KHDRBS2: variants seen among roughly 807,000 people sequenced by gnomAD.
KHDRBS2 encodes KH domain-containing, RNA-binding, signal transduction-associated protein 2.
In KHDRBS2, 26 loss-of-function variants were observed where a neutral mutation model predicts 44.3. The observed-to-expected ratio is 0.59, with a 90% CI of 0.43 to 0.81. KHDRBS2 has a LOEUF of 0.81. Among genes scored for constraint, KHDRBS2 ranks in the 40% least tolerant of loss-of-function variants. The probability of loss-of-function intolerance (pLI) is 0.00; values close to 1 mark genes in which losing one functional copy is unlikely to be tolerated. For missense variants in KHDRBS2, 476 were observed against 433.1 expected (o/e 1.10, Z -0.88); for synonymous variants, 194 against 151.1 (o/e 1.28, Z -2.08).
intron 2 of KHDRBS2, among the ~76,000 whole-genome samples, chr6:62,058,585 T>G (rs969466754): frequency 6.6e-6 from 1 of 151,934 alleles, no homozygotes; most frequent in African/African-American, 2.4e-5. Context: ...TCAAAAATAT[T>G]CTTCTTGTAT....
At chr6:62,227,600 C>T (rs1199057023) in intron 1 of KHDRBS2, among the ~76,000 whole-genome samples, 2 of 152,106 alleles carry the variant, frequency 1.3e-5, no homozygotes, top group East Asian at 1.9e-4. Flanking sequence ...TTGTCTTGTG[C>T]CAGTTTTCAA....
the KHDRBS2 span, among the ~76,000 whole-genome samples, chr6:61,613,474 T>C: frequency 6.6e-6 from 1 of 152,324 alleles, no homozygotes; most frequent in Admixed American, 6.5e-5. Context: ...CAGATGACAT[T>C]TGTTGTGTAA....
At chr6:61,545,869 G>A in the KHDRBS2 span, among the ~76,000 whole-genome samples, 1 of 152,072 alleles carries the variant, frequency 6.6e-6, no homozygotes, top group Admixed American at 6.6e-5. Flanking sequence ...CCAAGGAAAA[G>A]CCAGGTAAGC....
chr6:61,672,746 G>C, the KHDRBS2 span, among the ~76,000 whole-genome samples: 1 of 151,246 alleles, frequency 6.6e-6, no homozygotes, highest in African/African-American at 2.4e-5. Context: ...CTGGATATTA[G>C]CCCTTTGTCA....
At chr6:62,208,527 T>C (rs1585210353) in intron 1 of KHDRBS2, among the ~76,000 whole-genome samples, 1 of 152,212 alleles carries the variant, frequency 6.6e-6, no homozygotes, top group Non-Finnish European at 1.5e-5. Context: ...GTGTGAATAA[T>C]GCTGCAATGA....
chr6:61,617,807 G>A, the KHDRBS2 span, among the ~76,000 whole-genome samples: 1 of 151,990 alleles, frequency 6.6e-6, no homozygotes, highest in Non-Finnish European at 1.5e-5. Context: ...GAGGCACTAG[G>A]TAATTAATTT....
At chr6:61,901,447 CAA>C in intron 4 of KHDRBS2, 76 bp from the exon 5 acceptor site, 5 of 1,109,466 alleles carry the variant, frequency 4.5e-6, no homozygotes, top group Non-Finnish European at 5.0e-6. Context: ...AAAAAAGAAA[CAA>C]AACAAAACGC....
intron 6 of KHDRBS2, among the ~76,000 whole-genome samples, chr6:61,768,048 A>G (rs191777796): frequency 6.6e-6 from 1 of 152,248 alleles, no homozygotes; most frequent in African/African-American, 2.4e-5. Flanking sequence ...CATTTCTTAC[A>G]GGCCAGGTCT....
chr6:61,666,307 A>C, the KHDRBS2 span, among the ~76,000 whole-genome samples: 3,729 of 151,510 alleles, frequency 0.025, 72 homozygotes, highest in Middle Eastern at 0.082. Flanking sequence ...CATTCTAGAA[A>C]CATTCTTTAG....
intron 2 of KHDRBS2, among the ~76,000 whole-genome samples, chr6:62,102,137 A>C (rs917922114): frequency 8.5e-5 from 13 of 152,212 alleles, no homozygotes; most frequent in African/African-American, 2.9e-4. Context: ...ACTATATTCT[A>C]ATGGTAATTA....
chr6:62,187,259 T>C (rs549822511), intron 1 of KHDRBS2, among the ~76,000 whole-genome samples: 9 of 152,272 alleles, frequency 5.9e-5, no homozygotes, highest in Admixed American at 1.3e-4. Context: ...ATTTTTCCAA[T>C]TGTACAGCAA....
At chr6:61,726,614 C>G (rs1773611237) in intron 7 of KHDRBS2, among the ~76,000 whole-genome samples, 2 of 152,108 alleles carry the variant, frequency 1.3e-5, no homozygotes, top group Non-Finnish European at 2.9e-5. Context: ...CGCTAGCATT[C>G]CTATACATCA....
At chr6:61,661,461 T>C in the KHDRBS2 span, 13 of 151,936 alleles carry the variant, frequency 8.6e-5, no homozygotes, top group Admixed American at 5.9e-4. Flanking sequence ...ATCAGTCTCA[T>C]GGCAAATTTA....
intron 6 of KHDRBS2, among the ~76,000 whole-genome samples, chr6:61,795,600 T>C (rs1785227777): frequency 6.6e-6 from 1 of 152,230 alleles, no homozygotes; most frequent in Non-Finnish European, 1.5e-5. Context: ...ACTTTTGTTC[T>C]AGTTTTATTT....
At chr6:61,761,789 T>C (rs1201304329) in intron 6 of KHDRBS2, among the ~76,000 whole-genome samples, 2 of 152,076 alleles carry the variant, frequency 1.3e-5, no homozygotes, top group Non-Finnish European at 2.9e-5. Context: ...GTATTTGGGG[T>C]GGTGGAGAAG....
intron 6 of KHDRBS2, among the ~76,000 whole-genome samples, chr6:61,734,405 C>T (rs1774990928): frequency 6.6e-6 from 1 of 152,008 alleles, no homozygotes; most frequent in Admixed American, 6.6e-5. Context: ...GTCTTGTTCT[C>T]CTTTAACCTT....
At chr6:61,743,322 GGAAAAT>G (rs1265426392) in intron 6 of KHDRBS2, among the ~76,000 whole-genome samples, 2 of 151,944 alleles carry the variant, frequency 1.3e-5, no homozygotes, top group Non-Finnish European at 2.9e-5. Flanking sequence ...TAACAGATTA[GGAAAAT>G]GAGAAATAAT....
intron 3 of KHDRBS2, among the ~76,000 whole-genome samples, chr6:62,023,154 C>A (rs1782648898): frequency 1.3e-5 from 2 of 151,672 alleles, no homozygotes; most frequent in Non-Finnish European, 3.0e-5. Context: ...TAATTTACTT[C>A]TAAAATTATA....
At chr6:61,806,092 C>T (rs182095119) in intron 6 of KHDRBS2, among the ~76,000 whole-genome samples, 140 of 152,226 alleles carry the variant, frequency 9.2e-4, no homozygotes, top group African/African-American at 3.1e-3. Context: ...ATTTCATATC[C>T]AACTCATTTT....
Sources: allele counts gnomAD v4.1 joint callset (sites outside exome capture counted in the v4.1 genomes callset), GRCh38; gene constraint gnomAD v4.1.1; transcripts MANE v1.5; gene names NCBI Gene and HGNC (gene_info 2026-07-23, HGNC 2026-07-21).